The following ENOX2 variants were observed in gnomAD, a reference collection of about 807,000 sequenced individuals.
ENOX2 encodes APK1 antigen.
A neutral mutation model predicts 45.0 loss-of-function variants in ENOX2; 36 were observed. The ratio of observed to expected loss-of-function variants is 0.80; its 90% CI spans 0.61 to 1.06. ENOX2 has a LOEUF of 1.06. Ranked by LOEUF, ENOX2 falls within the 50% of genes least tolerant of loss-of-function variation. ENOX2 has a pLI of 0.00. For synonymous variants in ENOX2, 174 were observed against 152.3 expected (o/e 1.14, Z -1.05); for missense variants, 423 against 462.5 (o/e 0.91, Z 0.78).
chrX:130,678,711 G>T (rs1342307881), intron 6 of ENOX2, among the ~76,000 whole-genome samples: 3 of 110,607 alleles, frequency 2.7e-5, no homozygotes, highest in African/African-American at 9.9e-5. Context: ...AGTACTGAAA[G>T]TAACTTATTT....
chrX:130,649,043 C>CAAAAAAAA (rs35154919), intron 10 of ENOX2, among the ~76,000 whole-genome samples: 5 of 6,799 alleles, frequency 7.4e-4, no homozygotes, highest in South Asian at 0.021. Flanking sequence ...GACTCCATAT[C>CAAAAAAAA]AAAAAAAAAA....
intron 6 of ENOX2, among the ~76,000 whole-genome samples, chrX:130,676,410 G>A (rs1019582585): frequency 2.7e-5 from 3 of 111,312 alleles, no homozygotes; most frequent in African/African-American, 9.8e-5. Flanking sequence ...CACTTTCAGG[G>A]GGACAGATTC....
intron 3 of ENOX2, among the ~76,000 whole-genome samples, chrX:130,780,779 G>C (rs2039952436): frequency 9.0e-6 from 1 of 111,524 alleles, no homozygotes; most frequent in Non-Finnish European, 1.9e-5. Context: ...GAGGAAAAAA[G>C]ATTGTGTAGT....
At chrX:130,645,407 T>C (rs1279905458) in intron 10 of ENOX2, among the ~76,000 whole-genome samples, 1 of 112,173 alleles carries the variant, frequency 8.9e-6, no homozygotes, top group Non-Finnish European at 1.9e-5. Context: ...TCAATAACAC[T>C]AGTTTCAATG....
At chrX:130,772,842 A>G (rs1327502122) in intron 3 of ENOX2, among the ~76,000 whole-genome samples, 1 of 112,005 alleles carries the variant, frequency 8.9e-6, no homozygotes, top group African/African-American at 3.2e-5. Flanking sequence ...ATTTCATGAA[A>G]ATGCCTCCAC....
At chrX:130,700,824 A>G (rs754887049) in intron 4 of ENOX2, among the ~76,000 whole-genome samples, 1 of 111,863 alleles carries the variant, frequency 8.9e-6, no homozygotes, top group African/African-American at 3.2e-5. Context: ...AGAGAGGTCA[A>G]GTAACTTGCT....
chrX:130,659,507 C>A (rs2036630080), intron 9 of ENOX2, among the ~76,000 whole-genome samples: 2 of 112,088 alleles, frequency 1.8e-5, no homozygotes, highest in African/African-American at 6.5e-5. Flanking sequence ...AAACTTATTA[C>A]ACAGAGAACA....
At chrX:130,688,521 T>C (rs2037504127) in intron 5 of ENOX2, among the ~76,000 whole-genome samples, 1 of 112,478 alleles carries the variant, frequency 8.9e-6, no homozygotes, top group Admixed American at 9.4e-5. Flanking sequence ...ACACTCTGTC[T>C]CTGCCACCAT....
At chrX:130,668,158 G>A (rs1463294565) in intron 7 of ENOX2, among the ~76,000 whole-genome samples, 1 of 109,597 alleles carries the variant, frequency 9.1e-6, no homozygotes, top group African/African-American at 3.3e-5. Flanking sequence ...AATTAGTGAG[G>A]GAACTTCAGA....
At chrX:130,871,441 T>C (rs1185332447) in intron 2 of ENOX2, among the ~76,000 whole-genome samples, 1 of 110,884 alleles carries the variant, frequency 9.0e-6, no homozygotes, top group Non-Finnish European at 1.9e-5. Flanking sequence ...ACAAACTCAC[T>C]AAAGAACAGG....
At chrX:130,853,391 G>A (rs2078249085) in intron 2 of ENOX2, among the ~76,000 whole-genome samples, 1 of 103,278 alleles carries the variant, frequency 9.7e-6, no homozygotes, top group Admixed American at 1.0e-4. Flanking sequence ...GTGAACCCGG[G>A]AGGCAGAGGT....
chrX:130,831,361 T>A (rs1395753997), intron 2 of ENOX2, among the ~76,000 whole-genome samples: 1 of 111,806 alleles, frequency 8.9e-6, no homozygotes, highest in Non-Finnish European at 1.9e-5. Flanking sequence ...AAACAATTCA[T>A]TATCACTCCT....
intron 3 of ENOX2, among the ~76,000 whole-genome samples, chrX:130,706,833 G>A (rs755038497): frequency 1.7e-4 from 19 of 111,769 alleles, no homozygotes; most frequent in Non-Finnish European, 3.2e-4. Flanking sequence ...GTAGAAATTT[G>A]CTTAGTTACA....
intron 2 of ENOX2, among the ~76,000 whole-genome samples, chrX:130,848,893 A>C (rs1044457079): frequency 6.2e-5 from 7 of 112,294 alleles, no homozygotes; most frequent in African/African-American, 2.3e-4. Context: ...CTTTGTCAGT[A>C]ATATTAGGTA....
At chrX:130,843,406 T>C (rs1004640478) in intron 2 of ENOX2, among the ~76,000 whole-genome samples, 1 of 111,847 alleles carries the variant, frequency 8.9e-6, no homozygotes, top group Non-Finnish European at 1.9e-5. Context: ...CAACCAACTC[T>C]CTAGTTGCAG....
At chrX:130,696,849 C>T (rs1335259725) in intron 4 of ENOX2, among the ~76,000 whole-genome samples, 1 of 111,369 alleles carries the variant, frequency 9.0e-6, no homozygotes, top group Non-Finnish European at 1.9e-5. Context: ...TATAACTGAT[C>T]AGGTTTCCCT....
chrX:130,684,621 T>C (rs1364257924), intron 5 of ENOX2, among the ~76,000 whole-genome samples: 1 of 112,008 alleles, frequency 8.9e-6, no homozygotes, highest in African/African-American at 3.2e-5. Context: ...CCCACCATCA[T>C]TCAACAAATA....
chrX:130,697,369 T>C (rs2037790320), intron 4 of ENOX2, among the ~76,000 whole-genome samples: 1 of 112,463 alleles, frequency 8.9e-6, no homozygotes, highest in African/African-American at 3.2e-5. Context: ...AGTGTAGTGG[T>C]ATTTACTTTG....
intron 3 of ENOX2, among the ~76,000 whole-genome samples, chrX:130,778,498 G>A (rs1024247315): frequency 9.0e-6 from 1 of 111,605 alleles, no homozygotes; most frequent in African/African-American, 3.3e-5. Flanking sequence ...ACTCTCTGGA[G>A]GTCCTTATTT....
Sources: gnomAD v4.1 joint callset for allele counts (sites outside exome capture counted in the v4.1 genomes callset) on GRCh38, gnomAD v4.1.1 for gene constraint, MANE v1.5 for transcripts, NCBI Gene and HGNC (gene_info 2026-07-23, HGNC 2026-07-21) for gene names.